PATJ: variants seen among roughly 807,000 people sequenced by gnomAD.
PATJ encodes inaD-like protein.
PATJ carries 190 observed loss-of-function variants against 224.9 expected under a neutral mutation model. The ratio of observed to expected loss-of-function variants is 0.84; its 90% CI spans 0.75 to 0.95. The LOEUF is 0.95. Among genes scored for constraint, PATJ ranks in the 40% least tolerant of loss-of-function variants. PATJ has a pLI of 0.00. For missense variants in PATJ, 2,121 were observed against 2,270.3 expected (o/e 0.93, Z 1.34); for synonymous variants, 769 against 820.3 (o/e 0.94, Z 1.07).
chr1:61,993,904 ACTC>A (rs1645207153), intron 28 of PATJ, among the ~76,000 whole-genome samples: 1 of 151,880 alleles, frequency 6.6e-6, no homozygotes, highest in African/African-American at 2.4e-5. Flanking sequence ...GCTTTATTGG[ACTC>A]CTCCTATGCT....
chr1:61,828,177 A>C (rs1658622360), intron 16 of PATJ, among the ~76,000 whole-genome samples: 1 of 149,366 alleles, frequency 6.7e-6, no homozygotes, highest in African/African-American at 2.5e-5. Context: ...CGGGAGGCGG[A>C]GGTTACGGTG....
chr1:61,818,540 C>T (rs1396895630), intron 14 of PATJ, among the ~76,000 whole-genome samples: 1 of 152,226 alleles, frequency 6.6e-6, no homozygotes, highest in Admixed American at 6.5e-5. Context: ...AGTCCTGCTC[C>T]CGCAGAGAAG....
intron 17 of PATJ, among the ~76,000 whole-genome samples, chr1:61,845,675 G>A (rs1411804140): frequency 6.6e-6 from 1 of 152,064 alleles, no homozygotes; most frequent in Non-Finnish European, 1.5e-5. Context: ...ATTGTGTGCT[G>A]TATATCAACA....
intron 33 of PATJ, among the ~76,000 whole-genome samples, chr1:62,106,221 G>C (rs1414678091): frequency 8.6e-6 from 1 of 115,826 alleles, no homozygotes; most frequent in Non-Finnish European, 1.8e-5. Context: ...TGTAATTCCA[G>C]CACTTTGGGA....
At chr1:62,035,757 C>T (rs1650274317) in intron 29 of PATJ, among the ~76,000 whole-genome samples, 1 of 151,784 alleles carries the variant, frequency 6.6e-6, no homozygotes, top group African/African-American at 2.4e-5. Context: ...AGATTTGGAG[C>T]AAATGTTCAC....
intron 1 of PATJ, among the ~76,000 whole-genome samples, chr1:61,755,753 C>T (rs1010644811): frequency 6.6e-6 from 1 of 152,098 alleles, no homozygotes; most frequent in African/African-American, 2.4e-5. Context: ...TTGTAAAATA[C>T]GTTATTAGAA....
chr1:62,115,723 C>T (rs1271786609), intron 35 of PATJ, among the ~76,000 whole-genome samples: 1 of 150,832 alleles, frequency 6.6e-6, no homozygotes, highest in Non-Finnish European at 1.5e-5. Context: ...AATCAAGTTG[C>T]TTTTATGCAT....
At chr1:62,045,673 C>A (rs1289692597) in intron 30 of PATJ, among the ~76,000 whole-genome samples, 1 of 152,122 alleles carries the variant, frequency 6.6e-6, no homozygotes, top group Non-Finnish European at 1.5e-5. Flanking sequence ...CAGCAAGAGA[C>A]GACAGGAACA....
intron 32 of PATJ, among the ~76,000 whole-genome samples, chr1:62,083,337 G>T (rs867195286): frequency 1.2e-4 from 18 of 152,288 alleles, no homozygotes; most frequent in African/African-American, 4.1e-4. Context: ...GACCAGGCTG[G>T]TCTCGAACTC....
rs758148034 is a variant in PATJ at position 61,864,474 on chromosome 1, G to A, written c.2676G>A (p.Ser892=). Residue 892 remains serine, a synonymous_variant, in exon 20 of 44, where the codon TCG becomes TCA. Coordinates refer to ENST00000642238, the MANE Select transcript of PATJ (RefSeq NM_001350145.3). ...CATCCATGGAGTTGTATCCCTTGTC[G>A]CACATTCAAGAGGCCACTCCTGTGC... The part of the protein sequence containing the change: ...PSPSMELYPL[S]HIQEATPVPS... 17 of 1,613,862 alleles carry A rather than the reference G, an allele frequency of 1.1e-5. No individual in the cohort carries two copies. The highest frequency in any genetic ancestry group is 4.5e-5 in the East Asian group (2 of 44,872).
chr1:62,128,349 T>C, intron 40 of PATJ: 3 of 393,634 alleles, frequency 7.6e-6, no homozygotes, highest in Non-Finnish European at 9.1e-6. Flanking sequence ...TCCTTTACCC[T>C]TTTAAGCACC....
At position 61,751,511 on chromosome 1, in the gene PATJ, C is replaced by T. The variant is rs371559547; in HGVS notation, c.-36+8956C>T. Among the ~76,000 whole-genome samples the T allele has an allele frequency of 2.8e-4, 42 of 152,146 alleles. No homozygotes were observed. The East Asian group carries it at 7.4e-3, about 27-fold the overall frequency. The stretch of plus-strand genomic sequence containing the variant: ...TGTCATTGTTGCTCGTTGGAGAAAA[C>T]TGCTACCAACCAGAATACAGAAGCC... On this transcript the variant is annotated intron_variant, in intron 1 of 43. Coordinates refer to ENST00000642238, the MANE Select transcript of PATJ (RefSeq NM_001350145.3).
chr1:62,111,053 C>T (rs1260130317), intron 34 of PATJ, among the ~76,000 whole-genome samples: 1 of 152,318 alleles, frequency 6.6e-6, no homozygotes, highest in East Asian at 1.9e-4. Context: ...AAACCATGAA[C>T]TTAGATCACT....
chr1:62,135,011 A>G (rs892966908), intron 41 of PATJ, among the ~76,000 whole-genome samples: 2 of 152,168 alleles, frequency 1.3e-5, no homozygotes, highest in Non-Finnish European at 2.9e-5. Flanking sequence ...TGTGAGTATC[A>G]CTAAAGGAAT....
At chr1:62,092,750 T>TTTATTTA (rs1553264643) in intron 33 of PATJ, among the ~76,000 whole-genome samples, 1,582 of 151,036 alleles carry the variant, frequency 0.01, 8 homozygotes, top group Middle Eastern at 0.027. Context: ...TTATTTATTT[T>TTTATTTA]TTTATTTTTT....
At chr1:61,967,163 A>C (rs1245087698) in intron 27 of PATJ, among the ~76,000 whole-genome samples, 1 of 152,182 alleles carries the variant, frequency 6.6e-6, no homozygotes, top group Admixed American at 6.5e-5. Flanking sequence ...GTTGAATTGC[A>C]TGGAGAGGAT....
intron 27 of PATJ, among the ~76,000 whole-genome samples, chr1:61,958,055 T>C (rs1373132294): frequency 6.6e-6 from 1 of 152,234 alleles, no homozygotes; most frequent in African/African-American, 2.4e-5. Flanking sequence ...CTGAAAAGTT[T>C]AGCTATATAC....
At chr1:61,907,324 T>A (rs570692455) in intron 24 of PATJ, among the ~76,000 whole-genome samples, 2 of 152,348 alleles carry the variant, frequency 1.3e-5, no homozygotes, top group African/African-American at 2.4e-5. Context: ...TCAGGTTTCG[T>A]TGAGAAAATA....
chr1:61,818,182 T>C (rs1293013028), intron 14 of PATJ, among the ~76,000 whole-genome samples: 2 of 152,236 alleles, frequency 1.3e-5, no homozygotes, highest in Non-Finnish European at 2.9e-5. Context: ...CCTCAAGCCT[T>C]CTTGATCTCA....
Sources: allele counts gnomAD v4.1 joint callset (sites outside exome capture counted in the v4.1 genomes callset), GRCh38; gene constraint gnomAD v4.1.1; transcripts MANE v1.5; gene names NCBI Gene and HGNC (gene_info 2026-07-23, HGNC 2026-07-21).